Variants in OPN3 observed in about 807,000 individuals in gnomAD.
OPN3 encodes opsin 3.
In OPN3, 29 loss-of-function variants were observed where a neutral mutation model predicts 33.8. That is an observed-to-expected ratio of 0.86 (90% CI 0.64 to 1.17). OPN3 has a LOEUF of 1.17. OPN3 is among the 50% of genes most tolerant of loss of function. The probability of loss-of-function intolerance (pLI) is 0.00; values close to 1 mark genes in which losing one functional copy is unlikely to be tolerated. For missense variants in OPN3, 437 were observed against 514.1 expected, an observed-to-expected ratio of 0.85 and a Z score of 1.45; for synonymous variants, 216 against 216.1, an observed-to-expected ratio of 1.00 and a Z score of 0.00.
chr1:241,634,842 G>C (rs1037067438), intron 1 of OPN3: 1 of 1,611,458 alleles, frequency 6.2e-7, no homozygotes, highest in Admixed American at 1.7e-5. Context: ...TCAGGATGTT[G>C]TTCATACTCT....
rs1328966319 is a variant in OPN3, at chr1:241,640,038, G to A, written c.217C>T (p.Arg73Cys). 6.8e-6 allele frequency: 11 copies of A among 1,613,188 alleles called. No homozygotes were observed. The highest frequency in any genetic ancestry group is 9.3e-6 in the Non-Finnish European group (11 of 1,179,614). ...LVLYYKFQRL[R>C]TPTHLLLVNI... is the part of the protein sequence containing the mutation. ...ACCAGGAGGAGGTGAGTGGGAGTGC[G>A]GAGCCGCTGGAACTTGTAGTAGAGG... Residue 73 changes from arginine to cysteine, a missense_variant, in exon 1 of 4, where the codon CGC becomes TGC. Transcript: ENST00000366554.
chr1:241,612,422 C>T (rs658729), intron 1 of OPN3, among the ~76,000 whole-genome samples: 108,550 of 152,072 alleles, frequency 0.71, 39,037 homozygotes, highest in East Asian at 0.79. Flanking sequence ...CAAAACTCTA[C>T]GAAGATTGCT....
intron 1 of OPN3, among the ~76,000 whole-genome samples, chr1:241,618,192 C>T (rs541804470): frequency 3.9e-4 from 59 of 152,156 alleles, no homozygotes; most frequent in Non-Finnish European, 4.7e-4. Context: ...TTTAACTCAT[C>T]TCTTTGATGT....
chr1:241,614,447 T>C (rs1388944737), intron 1 of OPN3, among the ~76,000 whole-genome samples: 2 of 152,206 alleles, frequency 1.3e-5, no homozygotes, highest in Admixed American at 1.3e-4. Context: ...TTGCATTTTT[T>C]TTCTATTAAA....
intron 3 of OPN3, among the ~76,000 whole-genome samples, chr1:241,596,156 C>T (rs1166141461): frequency 1.3e-5 from 2 of 152,162 alleles, no homozygotes; most frequent in African/African-American, 2.4e-5. Flanking sequence ...TAATTTATAG[C>T]CCATTGGCTG....
intron 1 of OPN3, among the ~76,000 whole-genome samples, chr1:241,620,570 G>A (rs1397874288): frequency 6.6e-6 from 1 of 152,168 alleles, no homozygotes; most frequent in Non-Finnish European, 1.5e-5. Context: ...CAACCTGCTG[G>A]TACCCTGATC....
At chr1:241,607,632 AAAAGGAAGAAAGAAGAAAGAAG>A (rs1419379156) in intron 1 of OPN3, among the ~76,000 whole-genome samples, 3 of 149,612 alleles carry the variant, frequency 2.0e-5, no homozygotes, top group Non-Finnish European at 4.4e-5. Context: ...AAGAAAAAGA[AAAAGGAAGAAAGAAGAAAGAAG>A]AAAGAAAGAA....
chr1:241,630,093 C>T (rs919155261), intron 1 of OPN3: 2 of 152,080 alleles, frequency 1.3e-5, no homozygotes, highest in Admixed American at 1.3e-4. Context: ...TTTTAAAACA[C>T]ATTATCTAAC....
intron 2 of OPN3, chr1:241,600,935 CA>C (rs1663661913): frequency 6.6e-6 from 1 of 151,950 alleles, no homozygotes; most frequent in East Asian, 1.9e-4. Context: ...GGGAGGTAAA[CA>C]GGGAGGATAT....
intron 2 of OPN3, among the ~76,000 whole-genome samples, chr1:241,602,392 G>T (rs905120232): frequency 6.6e-6 from 1 of 152,172 alleles, no homozygotes; most frequent in Non-Finnish European, 1.5e-5. Context: ...TAGTGGCAGT[G>T]CGGTAGAGGA....
At chr1:241,638,878 C>T (rs1459680862) in intron 1 of OPN3, among the ~76,000 whole-genome samples, 1 of 152,000 alleles carries the variant, frequency 6.6e-6, no homozygotes, top group Non-Finnish European at 1.5e-5. Context: ...CCAAACCTAC[C>T]AAGATTAAAG....
At chr1:241,627,312 T>C (rs1426172035) in intron 1 of OPN3, among the ~76,000 whole-genome samples, 2 of 152,196 alleles carry the variant, frequency 1.3e-5, no homozygotes, top group Non-Finnish European at 1.5e-5. Flanking sequence ...CCACCACTTT[T>C]TAAATAGTGC....
intron 2 of OPN3, among the ~76,000 whole-genome samples, chr1:241,598,692 A>G (rs540111960): frequency 1.1e-4 from 17 of 152,206 alleles, no homozygotes; most frequent in Non-Finnish European, 2.1e-4. Context: ...GTACAGCCTG[A>G]AAGTTCTTTG....
chr1:241,607,105 C>T (rs1268062176), intron 1 of OPN3, among the ~76,000 whole-genome samples: 3 of 152,136 alleles, frequency 2.0e-5, no homozygotes, highest in Non-Finnish European at 2.9e-5. Flanking sequence ...CCCAGTGTCT[C>T]ACACACATGG....
chr1:241,619,660 C>T (rs982794313), intron 1 of OPN3, among the ~76,000 whole-genome samples: 4 of 152,216 alleles, frequency 2.6e-5, no homozygotes, highest in Non-Finnish European at 5.9e-5. Context: ...AGACCCATCA[C>T]GAAGTGAGAA....
intron 1 of OPN3, 80 bp downstream of exon 1, chr1:241,639,802 G>A: frequency 7.6e-7 from 1 of 1,313,506 alleles, no homozygotes. Flanking sequence ...GCGGGCTGGG[G>A]GGCGGACGCA....
At chr1:241,625,393 A>G (rs1431265672) in intron 1 of OPN3, among the ~76,000 whole-genome samples, 1 of 152,208 alleles carries the variant, frequency 6.6e-6, no homozygotes, top group Non-Finnish European at 1.5e-5. Flanking sequence ...TTCCAAAAAC[A>G]GTATGCTAAA....
chr1:241,639,331 T>G (rs1265647048), intron 1 of OPN3: 2 of 152,260 alleles, frequency 1.3e-5, no homozygotes, highest in East Asian at 3.8e-4. Flanking sequence ...TCTCATTCCC[T>G]AGAAAGCATT....
intron 1 of OPN3, among the ~76,000 whole-genome samples, chr1:241,605,055 C>CAAAAA (rs35256239): frequency 5.5e-5 from 7 of 126,304 alleles, no homozygotes; most frequent in Non-Finnish European, 8.4e-5. Context: ...GACCTTATCT[C>CAAAAA]AAAAAAAAAA....
Sources: allele counts gnomAD v4.1 joint callset (sites outside exome capture counted in the v4.1 genomes callset), GRCh38; gene constraint gnomAD v4.1.1; transcripts MANE v1.5; gene names NCBI Gene and HGNC (gene_info 2026-07-23, HGNC 2026-07-21).